Variants in SMURF2 observed in about 807,000 individuals in gnomAD.
SMURF2 encodes the protein SMAD specific E3 ubiquitin protein ligase 2, also known as E3 ubiquitin-protein ligase SMURF2.
Under a neutral mutation model 109.6 loss-of-function variants are expected in SMURF2, and 48 were observed. The ratio of observed to expected loss-of-function variants is 0.44; its 90% CI spans 0.35 to 0.56. The LOEUF is 0.56. Among genes scored for constraint, SMURF2 ranks in the 20% least tolerant of loss-of-function variants. SMURF2 has a pLI of 0.01. For missense variants in SMURF2, 575 were observed against 909.0 expected (o/e 0.63, Z 4.72); for synonymous variants, 288 against 317.1 (o/e 0.91, Z 0.97).
intron 1 of SMURF2, among the ~76,000 whole-genome samples, chr17:64,632,663 G>GA (rs1458184893): frequency 2.0e-5 from 3 of 152,114 alleles, no homozygotes; most frequent in African/African-American, 7.2e-5. Context: ...AAGTCTTGGG[G>GA]AAAAAAACTG....
intron 1 of SMURF2, among the ~76,000 whole-genome samples, chr17:64,656,227 T>G (rs1171530228): frequency 2.0e-5 from 3 of 152,240 alleles, no homozygotes; most frequent in Non-Finnish European, 4.4e-5. Flanking sequence ...ATAACACATT[T>G]CTACATGTCC....
intron 1 of SMURF2, among the ~76,000 whole-genome samples, chr17:64,660,549 C>A (rs1483567275): frequency 6.6e-6 from 1 of 152,196 alleles, no homozygotes; most frequent in Non-Finnish European, 1.5e-5. Context: ...AAGCTAAATT[C>A]TCAAATACCA....
intron 7 of SMURF2, among the ~76,000 whole-genome samples, chr17:64,583,177 C>T (rs1421255048): frequency 2.6e-5 from 4 of 152,042 alleles, no homozygotes; most frequent in South Asian, 2.1e-4. Flanking sequence ...CAGGCAGCCT[C>T]GAAAAGTGCA....
chr17:64,574,964 C>T (rs546624416), intron 9 of SMURF2, among the ~76,000 whole-genome samples: 34 of 152,142 alleles, frequency 2.2e-4, no homozygotes, highest in Non-Finnish European at 4.3e-4. Flanking sequence ...CTATACATTT[C>T]CTACAAGTAA....
At chr17:64,607,750 C>T (rs546645159) in intron 1 of SMURF2, among the ~76,000 whole-genome samples, 7 of 150,578 alleles carry the variant, frequency 4.6e-5, no homozygotes, top group South Asian at 4.2e-4. Flanking sequence ...GTGGCTGGAT[C>T]GCTTGAGGTC....
intron 1 of SMURF2, among the ~76,000 whole-genome samples, chr17:64,654,676 A>G (rs1178053082): frequency 6.6e-6 from 1 of 151,918 alleles, no homozygotes; most frequent in African/African-American, 2.4e-5. Flanking sequence ...CTAAAAATAC[A>G]GAATTAGCCG....
chr17:64,646,977 T>C (rs1024985510), intron 1 of SMURF2, among the ~76,000 whole-genome samples: 1 of 152,204 alleles, frequency 6.6e-6, no homozygotes, highest in South Asian at 2.1e-4. Flanking sequence ...TGGGCTTTCA[T>C]TATTTTATTT....
intron 4 of SMURF2, among the ~76,000 whole-genome samples, chr17:64,591,464 T>C (rs1341269050): frequency 2.0e-5 from 3 of 152,234 alleles, no homozygotes; most frequent in Non-Finnish European, 4.4e-5. Flanking sequence ...CAGATAATTA[T>C]GCCAAACTCT....
chr17:64,631,281 GGA>G (rs1468147317), intron 1 of SMURF2, among the ~76,000 whole-genome samples: 13 of 4,402 alleles, frequency 3.0e-3, no homozygotes, highest in African/African-American at 4.4e-3. Context: ...AGGGGGGGGG[GGA>G]GAGAGAGAGA....
intron 1 of SMURF2, among the ~76,000 whole-genome samples, chr17:64,630,518 G>T (rs553262565): frequency 5.3e-5 from 8 of 152,114 alleles, no homozygotes; most frequent in Non-Finnish European, 1.0e-4. Flanking sequence ...CCAAACTGGC[G>T]CAACAGGTTA....
intron 1 of SMURF2, among the ~76,000 whole-genome samples, chr17:64,657,137 AG>A (rs1344476125): frequency 6.6e-6 from 1 of 152,230 alleles, no homozygotes; most frequent in African/African-American, 2.4e-5. Context: ...CTTAAAGCAT[AG>A]GAACAATAAA....
At chr17:64,577,322 C>T (rs1555686150) in intron 9 of SMURF2, among the ~76,000 whole-genome samples, 1 of 151,324 alleles carries the variant, frequency 6.6e-6, no homozygotes, top group African/African-American at 2.4e-5. Flanking sequence ...ACAAACACTG[C>T]ATGTTCTCAC....
intron 10 of SMURF2, among the ~76,000 whole-genome samples, chr17:64,564,795 T>C (rs1304441995): frequency 1.3e-5 from 2 of 152,310 alleles, no homozygotes; most frequent in African/African-American, 4.8e-5. Context: ...GTCAGCCCCT[T>C]ACCCTGTAGT....
chr17:64,612,358 T>C (rs1970056914), intron 1 of SMURF2, among the ~76,000 whole-genome samples: 1 of 152,068 alleles, frequency 6.6e-6, no homozygotes, highest in Non-Finnish European at 1.5e-5. Context: ...CACATAATCA[T>C]AATTTTGATT....
At chr17:64,607,551 G>A (rs1195907441) in intron 1 of SMURF2, among the ~76,000 whole-genome samples, 2 of 151,954 alleles carry the variant, frequency 1.3e-5, no homozygotes, top group African/African-American at 4.8e-5. Context: ...GCTTGAACCC[G>A]GGAGAGGGAG....
At chr17:64,619,478 CAAA>C (rs552413988) in intron 1 of SMURF2, among the ~76,000 whole-genome samples, 2 of 34,930 alleles carry the variant, frequency 5.7e-5, no homozygotes, top group Non-Finnish European at 1.1e-4. Context: ...ACTCTTGTCT[CAAA>C]AAAAAAAAAA....
chr17:64,593,877 AAGAAAAAGAATCTT>A lies in SMURF2; in HGVS notation c.201-318_201-305del, dbSNP rs782792717. On this transcript the variant is annotated intron_variant, in intron 3 of 18. Transcript: ENST00000262435. ...GGAGTTTATTAAATAACTTCTTTGC[AAGAAAAAGAATCTT>A]AAAAACTTTTATCACAGTCACATTT... The A allele has an allele frequency of 1.2e-4, 22 of 180,770 alleles. 1 individual carries two copies. The South Asian group carries it at 2.7e-3, about 22-fold the overall frequency. 11.2% of individuals were successfully genotyped at this position (180,770 alleles called of 1,614,324 possible).
At chr17:64,641,601 CT>C (rs1598311413) in intron 1 of SMURF2, among the ~76,000 whole-genome samples, 2 of 152,078 alleles carry the variant, frequency 1.3e-5, no homozygotes, top group East Asian at 3.9e-4. Context: ...TGCTGGTGCC[CT>C]GAGTCAGTCA....
At position 64,583,508 on chromosome 17, in the gene SMURF2, C is replaced by T; in HGVS notation, c.522G>A (p.Gln174=). The stretch of plus-strand genomic sequence containing the variant: ...TAGTTCTTGTTATATGGTTTAGATA[C>T]TGGATTCTTCCAGAGGCGGTTCTCC... ...EERRTASGRI[Q]YLNHITRTTQ... Residue 174 remains glutamine, a synonymous_variant, in exon 7 of 19, where the codon CAG becomes CAA. Transcript: ENST00000262435. The T allele has an allele frequency of 1.2e-6, 2 of 1,614,042 alleles. No individual in the cohort carries two copies. Among genetic ancestry groups the T allele is most frequent in the Admixed American group, 1.7e-5 (1 of 60,022 alleles).
Sources: gnomAD v4.1 joint callset for allele counts (sites outside exome capture counted in the v4.1 genomes callset) on GRCh38, gnomAD v4.1.1 for gene constraint, MANE v1.5 for transcripts, NCBI Gene and HGNC (gene_info 2026-07-23, HGNC 2026-07-21) for gene names.